NALF1: variants seen among roughly 807,000 people sequenced by gnomAD.
NALF1 encodes the protein family with sequence similarity 155 member A.
NALF1 carries 3 observed loss-of-function variants against 48.4 expected under a neutral mutation model. That is an observed-to-expected ratio of 0.06 (90% CI 0.03 to 0.16). The LOEUF (loss-of-function observed/expected upper bound fraction) is 0.16, where lower values mean the gene tolerates loss of function less well. Among genes scored for constraint, NALF1 ranks in the 10% least tolerant of loss-of-function variants. The pLI is 1.00. For missense variants in NALF1, 526 were observed against 571.5 expected (o/e 0.92, Z 0.81); for synonymous variants, 262 against 245.7 (o/e 1.07, Z -0.62).
In NALF1 at chr13:107,819,589, G is replaced by A. The variant is rs536776235; in HGVS notation, c.915+46093C>T. ...TATTAATCACTTCCCATTGGCCACG[G>A]AGCAAGGTCTAGATTTAAATGACTT... is the stretch of plus-strand genomic sequence containing the variant. On this transcript the variant is annotated intron_variant, in intron 1 of 2. Coordinates refer to ENST00000375915, the MANE Select transcript of NALF1 (RefSeq NM_001080396.3). Among the ~76,000 whole-genome samples, 15 of 152,080 alleles carry A rather than the reference G, an allele frequency of 9.9e-5. No homozygotes were observed. The South Asian group carries it at 1.5e-3, about 15-fold the overall frequency.
At chr13:107,252,446 G>T (rs980045) in intron 1 of NALF1, among the ~76,000 whole-genome samples, 1 of 150,548 alleles carries the variant, frequency 6.6e-6, no homozygotes, top group Non-Finnish European at 1.5e-5. Context: ...GAGAAAGAGA[G>T]GGACAGACAC....
At chr13:107,331,697 T>C (rs1428136728) in intron 1 of NALF1, among the ~76,000 whole-genome samples, 6 of 152,320 alleles carry the variant, frequency 3.9e-5, no homozygotes, top group Non-Finnish European at 8.8e-5. Context: ...AGGATTTAGA[T>C]AATTGTTCAT....
chr13:107,619,313 A>C, intron 1 of NALF1, among the ~76,000 whole-genome samples: 1 of 152,186 alleles, frequency 6.6e-6, no homozygotes, highest in East Asian at 1.9e-4. Flanking sequence ...GCAGTGAGAC[A>C]GTCAAGATGT....
At chr13:107,813,147 T>G (rs71435246) in intron 1 of NALF1, among the ~76,000 whole-genome samples, 17,936 of 152,212 alleles carry the variant, frequency 0.12, 1,148 homozygotes, top group Middle Eastern at 0.23. Context: ...CACTATGAAA[T>G]AGGCTTGGTA....
chr13:107,717,795 T>C (rs1448867285), intron 1 of NALF1, among the ~76,000 whole-genome samples: 1 of 152,212 alleles, frequency 6.6e-6, no homozygotes, highest in Non-Finnish European at 1.5e-5. Flanking sequence ...CTGTTTATCC[T>C]TTCCTGATCT....
At chr13:107,322,659 C>A (rs558378771) in intron 1 of NALF1, among the ~76,000 whole-genome samples, 1 of 152,118 alleles carries the variant, frequency 6.6e-6, no homozygotes, top group Non-Finnish European at 1.5e-5. Context: ...GTCCTGGGAA[C>A]CTCAGATTTT....
At chr13:107,822,722 C>A (rs1279013582) in intron 1 of NALF1, among the ~76,000 whole-genome samples, 2 of 152,112 alleles carry the variant, frequency 1.3e-5, no homozygotes, top group Admixed American at 1.3e-4. Context: ...GATTGAAAAT[C>A]CTCCAAATTT....
intron 1 of NALF1, among the ~76,000 whole-genome samples, chr13:107,407,759 A>G (rs1311340828): frequency 6.6e-6 from 1 of 152,126 alleles, no homozygotes; most frequent in Non-Finnish European, 1.5e-5. Context: ...TATATACACG[A>G]AAGAAAGAAA....
intron 1 of NALF1, among the ~76,000 whole-genome samples, chr13:107,479,979 T>C (rs1374782258): frequency 1.3e-5 from 2 of 152,064 alleles, no homozygotes; most frequent in African/African-American, 4.8e-5. Context: ...AGATTGACAC[T>C]ACGAAGATGG....
At chr13:107,355,778 C>A (rs993722698) in intron 1 of NALF1, among the ~76,000 whole-genome samples, 6 of 152,244 alleles carry the variant, frequency 3.9e-5, no homozygotes, top group African/African-American at 1.4e-4. Context: ...TAAACCTTTT[C>A]TTCATAAATT....
chr13:107,571,731 G>T (rs2138402211), intron 1 of NALF1, among the ~76,000 whole-genome samples: 1 of 152,278 alleles, frequency 6.6e-6, no homozygotes, highest in South Asian at 2.1e-4. Flanking sequence ...CCAATAATGT[G>T]TGTGGGATCT....
At chr13:107,348,133 G>A (rs1312661306) in intron 1 of NALF1, among the ~76,000 whole-genome samples, 1 of 152,164 alleles carries the variant, frequency 6.6e-6, no homozygotes, top group Non-Finnish European at 1.5e-5. Context: ...CTTGAAACTA[G>A]TTTTAAATGT....
intron 1 of NALF1, among the ~76,000 whole-genome samples, chr13:107,449,265 G>A (rs1241412415): frequency 6.6e-6 from 1 of 151,920 alleles, no homozygotes; most frequent in Non-Finnish European, 1.5e-5. Flanking sequence ...AAAAAAAAAA[G>A]AACATCACAC....
At chr13:107,468,166 A>C (rs1400784939) in intron 1 of NALF1, among the ~76,000 whole-genome samples, 2 of 152,212 alleles carry the variant, frequency 1.3e-5, no homozygotes, top group African/African-American at 4.8e-5. Flanking sequence ...ATCGCAAATA[A>C]CAAACAAATT....
At chr13:107,680,997 T>G (rs1276326646) in intron 1 of NALF1, among the ~76,000 whole-genome samples, 1 of 151,798 alleles carries the variant, frequency 6.6e-6, no homozygotes, top group Non-Finnish European at 1.5e-5. Flanking sequence ...AATTTTTCAG[T>G]TTTCTGCCTG....
intron 1 of NALF1, among the ~76,000 whole-genome samples, chr13:107,346,197 G>T (rs772666560): frequency 1.3e-4 from 20 of 152,036 alleles, no homozygotes; most frequent in Non-Finnish European, 2.6e-4. Flanking sequence ...AATTGGCATA[G>T]CTATTATGGA....
chr13:107,194,689 A>G (rs146513105), intron 2 of NALF1, among the ~76,000 whole-genome samples: 4 of 152,316 alleles, frequency 2.6e-5, no homozygotes, highest in Admixed American at 6.5e-5. Context: ...TAAGACCCAA[A>G]AAGCAAATGC....
intron 1 of NALF1, among the ~76,000 whole-genome samples, chr13:107,702,953 G>A (rs1309848228): frequency 6.6e-6 from 1 of 152,118 alleles, no homozygotes; most frequent in Non-Finnish European, 1.5e-5. Flanking sequence ...CCATTCATGG[G>A]CATTTAGGTT....
chr13:107,762,186 C>T (rs142523012), intron 1 of NALF1, among the ~76,000 whole-genome samples: 41 of 151,148 alleles, frequency 2.7e-4, no homozygotes, highest in African/African-American at 8.5e-4. Flanking sequence ...CAAGACTGGG[C>T]GTCCTTTATA....
Sources: allele counts gnomAD v4.1 joint callset (sites outside exome capture counted in the v4.1 genomes callset), GRCh38; gene constraint gnomAD v4.1.1; transcripts MANE v1.5; gene names NCBI Gene and HGNC (gene_info 2026-07-23, HGNC 2026-07-21).